REDIC1: variants seen among roughly 807,000 people sequenced by gnomAD.
The protein encoded by REDIC1 is regulator of DNA class I crossover intermediates 1.
the REDIC1 span, among the ~76,000 whole-genome samples, chr12:39,809,613 G>A: frequency 3.0e-4 from 45 of 152,004 alleles, no homozygotes; most frequent in Non-Finnish European, 5.7e-4. Flanking sequence ...CCATTAACTC[G>A]TCATTTAGCA....
At chr12:39,656,897 A>G in the REDIC1 span, among the ~76,000 whole-genome samples, 2 of 152,226 alleles carry the variant, frequency 1.3e-5, no homozygotes, top group African/African-American at 4.8e-5. Context: ...TGTACAATGT[A>G]TTTGTTTTAA....
chr12:39,741,439 A>G, the REDIC1 span, among the ~76,000 whole-genome samples: 4 of 152,206 alleles, frequency 2.6e-5, no homozygotes, highest in Non-Finnish European at 5.9e-5. Flanking sequence ...GAGGGTCAGT[A>G]TTACTGAGGA....
chr12:39,812,744 T>A, the REDIC1 span, among the ~76,000 whole-genome samples: 2 of 151,652 alleles, frequency 1.3e-5, no homozygotes, highest in East Asian at 3.9e-4. Context: ...ACTGCTGGGA[T>A]TACGGGCGTG....
At chr12:39,713,028 T>C in the REDIC1 span, among the ~76,000 whole-genome samples, 7 of 141,808 alleles carry the variant, frequency 4.9e-5, no homozygotes, top group African/African-American at 1.6e-4. Flanking sequence ...TATATACGTG[T>C]ATATGTATAT....
the REDIC1 span, among the ~76,000 whole-genome samples, chr12:39,701,164 C>G: frequency 1.3e-5 from 2 of 151,970 alleles, no homozygotes; most frequent in African/African-American, 4.8e-5. Flanking sequence ...GAGTCAAGAC[C>G]CATCAGTGTG....
the REDIC1 span, among the ~76,000 whole-genome samples, chr12:39,662,555 A>G: frequency 6.6e-6 from 1 of 151,904 alleles, no homozygotes; most frequent in Non-Finnish European, 1.5e-5. Context: ...TTTTCTAAAT[A>G]TAAGATCATG....
At chr12:39,666,657 G>T in the REDIC1 span, among the ~76,000 whole-genome samples, 13 of 152,104 alleles carry the variant, frequency 8.5e-5, no homozygotes, top group African/African-American at 2.9e-4. Context: ...GCTCCTCCTT[G>T]TACCTTTGGT....
chr12:39,861,337 T>C, the REDIC1 span, among the ~76,000 whole-genome samples: 1 of 152,320 alleles, frequency 6.6e-6, no homozygotes, highest in East Asian at 1.9e-4. Flanking sequence ...AATCCTATGG[T>C]AGGTGATCCA....
At chr12:39,830,002 G>T in the REDIC1 span, 1 of 1,451,784 alleles carries the variant, frequency 6.9e-7, no homozygotes, top group Non-Finnish European at 9.5e-7. Context: ...ATGAAGGCCA[G>T]TTTAAAAGAA....
chr12:39,665,452 A>G, the REDIC1 span, among the ~76,000 whole-genome samples: 2 of 150,726 alleles, frequency 1.3e-5, no homozygotes, highest in Non-Finnish European at 3.0e-5. Flanking sequence ...TGGTACCAGT[A>G]CCATGCTGTT....
At chr12:39,903,673 A>T in the REDIC1 span, among the ~76,000 whole-genome samples, 1 of 152,110 alleles carries the variant, frequency 6.6e-6, no homozygotes, top group Non-Finnish European at 1.5e-5. Context: ...TCTGATAACA[A>T]GGATATATAT....
chr12:39,752,700 A>C, the REDIC1 span, among the ~76,000 whole-genome samples: 1 of 152,180 alleles, frequency 6.6e-6, no homozygotes, highest in African/African-American at 2.4e-5. Context: ...AGAATAGGGC[A>C]ACAAGCATAC....
chr12:39,626,698 T>G, the REDIC1 span, among the ~76,000 whole-genome samples: 5 of 152,010 alleles, frequency 3.3e-5, no homozygotes, highest in East Asian at 9.7e-4. Flanking sequence ...CTGCCTTCTT[T>G]CCGTGTCTAC....
chr12:39,736,359 A>T, the REDIC1 span, among the ~76,000 whole-genome samples: 12 of 152,224 alleles, frequency 7.9e-5, no homozygotes, highest in Admixed American at 7.2e-4. Flanking sequence ...AGGACATATA[A>T]CTTGTCTCTT....
chr12:39,634,188 T>C, the REDIC1 span, among the ~76,000 whole-genome samples: 1 of 152,168 alleles, frequency 6.6e-6, no homozygotes. Context: ...ATTCTCTTTT[T>C]AGTAATTGTG....
At chr12:39,693,727 A>C in the REDIC1 span, among the ~76,000 whole-genome samples, 2 of 151,942 alleles carry the variant, frequency 1.3e-5, no homozygotes, top group African/African-American at 4.8e-5. Flanking sequence ...TTTCCAGTAT[A>C]TTTTTCTTAC....
the REDIC1 span, chr12:39,720,721 G>A: frequency 8.7e-7 from 1 of 1,149,750 alleles, no homozygotes; most frequent in Non-Finnish European, 1.3e-6. Flanking sequence ...TATATTCTTT[G>A]AAGTGATTGA....
chr12:39,894,465 T>A, the REDIC1 span, among the ~76,000 whole-genome samples: 77 of 152,230 alleles, frequency 5.1e-4, no homozygotes, highest in African/African-American at 1.7e-3. Flanking sequence ...TTACTCAATA[T>A]AAAGAGAATA....
chr12:39,683,088 T>A, the REDIC1 span: 3 of 1,611,496 alleles, frequency 1.9e-6, no homozygotes, highest in Non-Finnish European at 2.5e-6. Flanking sequence ...AAAGAAATGA[T>A]CTTAGTACAT....
Sources: allele counts gnomAD v4.1 joint callset (sites outside exome capture counted in the v4.1 genomes callset), GRCh38; gene constraint gnomAD v4.1.1; transcripts MANE v1.5; gene names NCBI Gene and HGNC (gene_info 2026-07-23, HGNC 2026-07-21).